ZKSCAN7: variants seen among roughly 807,000 people sequenced by gnomAD.
The protein encoded by ZKSCAN7 is zinc finger with KRAB and SCAN domains 7, also known as zinc finger protein with KRAB and SCAN domains 7.
A neutral mutation model predicts 65.3 loss-of-function variants in ZKSCAN7; 38 were observed. The observed-to-expected ratio is 0.58, with a 90% confidence interval of 0.45 to 0.76. The LOEUF (loss-of-function observed/expected upper bound fraction) is 0.76, where lower values mean the gene tolerates loss of function less well. ZKSCAN7 is among the 30% of genes least tolerant of loss of function. The pLI is 0.00. For missense variants in ZKSCAN7, 815 were observed against 913.3 expected (o/e 0.89, Z 1.39); for synonymous variants, 321 against 321.0 (o/e 1.00, Z 0.00).
chr3:44,568,332 C>T lies in ZKSCAN7; in HGVS notation c.710C>T (p.Ser237Phe). ...PQDTVAYEDL[S>F]VDYTQKKWKS... ...GATACTGTGGCATATGAGGACCTAT[C>T]TGTAGACTACACTCAGAAGAAATGG... The change falls in exon 5 of 6, where the codon TCT becomes TTT. Residue 237 changes from serine (S) to phenylalanine (F), a missense_variant. Ser to Phe is a radical substitution (Grantham distance 155, BLOSUM62 -2). Transcript: ENST00000426540. The T allele has an allele frequency of 6.2e-7, 1 of 1,613,884 alleles. No individual in the cohort carries two copies. The highest frequency in any genetic ancestry group is 8.5e-7 in the Non-Finnish European group (1 of 1,179,934).
In ZKSCAN7 at chr3:44,583,136, C is replaced by T. The variant is rs181931349; in HGVS notation, c.*145C>T. ...AGAGACGGGGTTTCACCATGTTGGCCAGGCTGGTTTCGAACTCCTGACCTC... is the reference window on the plus strand; with the variant it reads ...AGAGACGGGGTTTCACCATGTTGGCTAGGCTGGTTTCGAACTCCTGACCTC... On this transcript the variant is annotated 3_prime_UTR_variant, in exon 6 of 6. Coordinates refer to the ZKSCAN7 transcript ENST00000341840. 2.6e-3 allele frequency: 792 copies of T among 299,406 alleles called. 6 individuals are homozygous for T. The highest frequency in any genetic ancestry group is 0.012 in the Admixed American group (260 of 21,538). 18.5% of individuals were successfully genotyped at this position (299,406 alleles called of 1,614,324 possible). A position where few individuals can be genotyped will look rare whatever the true frequency, so the allele number is the denominator to read the frequency against.
rs148365736 is a variant in ZKSCAN7 at position 44,580,470 on chromosome 3, C to G, written c.812-2502C>G. ...GGGGACTTTCTCAGCACTGGGGATG[C>G]TGCTGCTGCTGCTGCTGCTGGTGGT... On this transcript the variant is annotated intron_variant, in intron 5 of 5. Coordinates refer to the ZKSCAN7 transcript ENST00000341840. The G allele has an allele frequency of 2.1e-3, 3,253 of 1,546,128 alleles. 52 individuals carry two copies. In the African/African-American group the frequency reaches 0.036, roughly 17 times the overall value.
chr3:44,569,206 C>G (rs1243759855), intron 5 of ZKSCAN7, among the ~76,000 whole-genome samples: 1 of 152,204 alleles, frequency 6.6e-6, no homozygotes, highest in Non-Finnish European at 1.5e-5. Flanking sequence ...GTACCTGGTG[C>G]CAGTCCAATC....
At chr3:44,568,705 G>A (rs915429714) in intron 5 of ZKSCAN7, among the ~76,000 whole-genome samples, 1 of 152,208 alleles carries the variant, frequency 6.6e-6, no homozygotes, top group Non-Finnish European at 1.5e-5. Flanking sequence ...GTAAGGAGCT[G>A]TGAGTCATAG....
chr3:44,579,141 C>T (rs540857913), intron 5 of ZKSCAN7, among the ~76,000 whole-genome samples: 10 of 152,360 alleles, frequency 6.6e-5, no homozygotes, highest in Admixed American at 2.6e-4. Context: ...TCCACGTGGA[C>T]GTTATGCGTC....
intron 5 of ZKSCAN7, among the ~76,000 whole-genome samples, chr3:44,582,679 G>T (rs1011178345): frequency 6.6e-5 from 10 of 152,254 alleles, no homozygotes; most frequent in African/African-American, 2.4e-4. Context: ...CTGGATACAG[G>T]CAGGCTGGAA....
At chr3:44,569,570 T>C (rs1360266273) in intron 5 of ZKSCAN7, among the ~76,000 whole-genome samples, 3 of 152,190 alleles carry the variant, frequency 2.0e-5, no homozygotes, top group Non-Finnish European at 2.9e-5. Flanking sequence ...GAAGGGATCT[T>C]AGAGTTCATC....
chr3:44,555,725 G>A (rs1699270672), intron 1 of ZKSCAN7, among the ~76,000 whole-genome samples: 1 of 152,210 alleles, frequency 6.6e-6, no homozygotes, highest in Non-Finnish European at 1.5e-5. Context: ...TTAGAGCAGA[G>A]TTTACAGATT....
chr3:44,575,819 C>T (rs1454219496), downstream of ZKSCAN7, among the ~76,000 whole-genome samples: 7 of 152,274 alleles, frequency 4.6e-5, no homozygotes, highest in Admixed American at 3.9e-4. Flanking sequence ...CTCAGGTGAT[C>T]CGCCCGCCTC....
chr3:44,581,024 C>G, intron 5 of ZKSCAN7: 1 of 1,581,734 alleles, frequency 6.3e-7, no homozygotes, highest in Non-Finnish European at 8.6e-7. Flanking sequence ...TGGCTGCCGA[C>G]ATGGTCGGCG....
At chr3:44,572,814 C>G (rs1036240169), downstream of ZKSCAN7, among the ~76,000 whole-genome samples, 2 of 142,256 alleles carry the variant, frequency 1.4e-5, no homozygotes, top group Non-Finnish European at 3.0e-5. Context: ...CGCACCACTC[C>G]ACTCCAGCCT....
Position 44,579,807 on chromosome 3 carries a change from G to C in ZKSCAN7, c.812-3165G>C, listed in dbSNP as rs1575386434. 5 of 1,613,162 alleles carry C rather than the reference G, an allele frequency of 3.1e-6. No homozygotes were observed. The Middle Eastern group carries it at 8.3e-4, about 266-fold the overall frequency. ...TAGTATCTCAGGCTTTGATCGGCGA[G>C]GACAAACCAGTGTTTCTTCCACTGG... On this transcript the variant is annotated intron_variant, in intron 5 of 5. Transcript: ENST00000341840.
At position 44,572,133 on chromosome 3, in the gene ZKSCAN7, T is replaced by C. The variant is rs1699823577; in HGVS notation, c.*758T>C. ...GATAGTATTTTGTACATACCAGTTG[T>C]TAAATAAATAATTTTTAAAATCTCA... On this transcript the variant is annotated 3_prime_UTR_variant, in exon 6 of 6. Coordinates refer to ENST00000426540, the MANE Select transcript of ZKSCAN7 (RefSeq NM_001288590.2). 1.0e-6 allele frequency: 1 copy of C among 984,788 alleles called. No homozygotes were observed. The highest frequency in any genetic ancestry group is 1.2e-6 in the Non-Finnish European group (1 of 829,474). 61.0% of individuals were successfully genotyped at this position (984,788 alleles called of 1,614,324 possible).
chr3:44,557,134 G>GGAGCCAGC lies in ZKSCAN7; in HGVS notation c.88_95dup (p.Asn33SerfsTer43), dbSNP rs1205974896. On this transcript the variant is annotated frameshift_variant, in exon 2 of 6. Coordinates refer to ENST00000426540, the MANE Select transcript of ZKSCAN7 (RefSeq NM_001288590.2). LOFTEE classifies it high-confidence loss of function. The stretch of plus-strand genomic sequence containing the variant: ...AAGAGGGGCGCCTGACTGTGAAGCA[G>GGAGCCAGC]GAGCCAGCAAACCAGACCTGGGGGC... The GGAGCCAGC allele has an allele frequency of 6.2e-7, 1 of 1,614,126 alleles. No homozygotes were observed. Among genetic ancestry groups the GGAGCCAGC allele is most frequent in the East Asian group, 2.2e-5 (1 of 44,898 alleles).
At chr3:44,560,564 G>A (rs1445535831) in intron 2 of ZKSCAN7, among the ~76,000 whole-genome samples, 3 of 142,694 alleles carry the variant, frequency 2.1e-5, no homozygotes, top group African/African-American at 8.0e-5. Flanking sequence ...CCAGGCTGGA[G>A]TGCAGTGACA....
In ZKSCAN7 at chr3:44,568,747, A is replaced by G. The variant is rs529245909; in HGVS notation, c.811+314A>G. ...AGGAATGAGAACCTGGAAGAAACTGATGAGCTAGACCAGACTGTGGGAAGC... is the reference window on the plus strand; with the variant it reads ...AGGAATGAGAACCTGGAAGAAACTGGTGAGCTAGACCAGACTGTGGGAAGC... On this transcript the variant is annotated intron_variant, in intron 5 of 5. Transcript: ENST00000426540. 7.2e-5 allele frequency among the ~76,000 whole-genome samples: 11 copies of G among 152,312 alleles called. No homozygotes were observed. The South Asian group carries it at 2.3e-3, about 32-fold the overall frequency.
At position 44,570,659 on chromosome 3, in the gene ZKSCAN7, C is replaced by T. The variant is rs1465538811; in HGVS notation, c.1549C>T (p.His517Tyr). 1.9e-6 allele frequency: 3 copies of T among 1,613,966 alleles called. No individual in the cohort carries two copies. Among genetic ancestry groups the T allele is most frequent in the Admixed American group, 3.3e-5 (2 of 59,994 alleles). The change falls in exon 6 of 6, where the codon CAC (histidine) becomes TAC (tyrosine). Residue 517 changes from histidine to tyrosine, a missense_variant. Around this residue, in one of 3 missense-constraint regions of ZKSCAN7, gnomAD observed 578 missense variants for 629.5 expected, o/e 0.92. Transcript: ENST00000426540. ...AAGTCTTGCTCGACATCAGGTCCTG[C>T]ACACTGGTAAGAAACCTTACAAATG... The part of the protein sequence containing the change: ...SKSLARHQVL[H>Y]TGKKPYKCNE...
chr3:44,557,644 A>G, intron 2 of ZKSCAN7, 174 bp downstream of exon 2: 6 of 813,334 alleles, frequency 7.4e-6, no homozygotes, highest in Non-Finnish European at 1.1e-5. Flanking sequence ...ACACAAGTGC[A>G]CATCCCAGCT....
At chr3:44,563,773 A>G (rs1327284132) in intron 2 of ZKSCAN7, among the ~76,000 whole-genome samples, 1 of 152,112 alleles carries the variant, frequency 6.6e-6, no homozygotes, top group Admixed American at 6.5e-5. Flanking sequence ...CAGGAACTTT[A>G]CCAGGATTAA....
Sources: allele counts gnomAD v4.1 joint callset (sites outside exome capture counted in the v4.1 genomes callset), GRCh38; gene constraint gnomAD v4.1.1; regional missense constraint gnomAD v4.1.1; transcripts MANE v1.5; gene names NCBI Gene and HGNC (gene_info 2026-07-23, HGNC 2026-07-21).